The following LCT variants were observed in gnomAD, a reference collection of about 807,000 sequenced individuals.
The protein encoded by LCT is lactase.
In LCT, 90 loss-of-function variants were observed where a neutral mutation model predicts 173.0. That is an observed-to-expected ratio of 0.52 (90% CI 0.44 to 0.62). The LOEUF (loss-of-function observed/expected upper bound fraction) is 0.62, where lower values mean the gene tolerates loss of function less well. LCT is among the 20% of genes least tolerant of loss of function. The pLI is 0.00. For missense variants in LCT, 1,864 were observed against 2,431.4 expected (o/e 0.77, Z 4.91); for synonymous variants, 853 against 957.6 (o/e 0.89, Z 2.02).
At position 135,809,991 on chromosome 2, in the gene LCT, T is replaced by C. The variant is rs2077721449; in HGVS notation, c.2356A>G (p.Ile786Val). ...NQYINEVLKA[I>V]KEDSVDVRSY... ...CGAACATCCACAGAGTCTTCCTTGA[T>C]AGCTGTGAAGAAAAATAAAAATTAG... Residue 786 changes from isoleucine (I) to valine (V), a missense_variant and splice_region_variant, in exon 8 of 17, where the codon ATC becomes GTC. Coordinates refer to ENST00000264162, the MANE Select transcript of LCT (RefSeq NM_002299.4). The surrounding 1 kb of genome is among the most constrained non-coding windows in gnomAD (Gnocchi z 5.5). 2 of 1,592,396 alleles carry C rather than the reference T, an allele frequency of 1.3e-6. No individual in the cohort carries two copies. Among genetic ancestry groups the C allele is most frequent in the Non-Finnish European group, 1.7e-6 (2 of 1,160,770 alleles).
In LCT at chr2:135,808,468, T is replaced by A. The variant is rs2077695718; in HGVS notation, c.3879A>T (p.Lys1293Asn). ...CTTTCAAAGCCTCATTGATGTAGGT[T>A]TTGTGGTAAAATATCCTATCAGTAT... ...TEDTDRIFYH[K>N]TYINEALKAY... The change falls in exon 8 of 17, where the codon AAA becomes AAT. Residue 1293 changes from lysine (K) to asparagine (N), a missense_variant. By Grantham distance (94) the Lys-to-Asn change is moderately conservative (BLOSUM62 0). Around this residue, in one of 4 missense-constraint regions of LCT, gnomAD observed 755 missense variants for 926.3 expected, o/e 0.82. Transcript: ENST00000264162. 1 of 1,613,846 alleles carries A rather than the reference T, an allele frequency of 6.2e-7. No homozygotes were observed. Among genetic ancestry groups the A allele is most frequent in the Non-Finnish European group, 8.5e-7 (1 of 1,179,872 alleles).
intron 3 of LCT, among the ~76,000 whole-genome samples, chr2:135,826,731 C>A (rs1162034159): frequency 6.6e-6 from 1 of 152,146 alleles, no homozygotes; most frequent in African/African-American, 2.4e-5. Flanking sequence ...TAGCAACAAG[C>A]TCTGGTTTAA....
Position 135,789,912 on chromosome 2 carries a change from G to A in LCT, c.5336-114C>T, listed in dbSNP as rs111814540. On this transcript the variant is annotated intron_variant, in intron 15 of 16. Transcript: ENST00000264162. The stretch of plus-strand genomic sequence containing the variant: ...TCTCCCCACCGCCTTCACAGATGGC[G>A]GTAAGCTTTGGCTTTAGCTCTGTGA... 40 of 832,688 alleles carry A rather than the reference G, an allele frequency of 4.8e-5. No homozygotes were observed. The Middle Eastern group carries it at 1.3e-3, about 28-fold the overall frequency. 51.6% of individuals were successfully genotyped at this position (832,688 alleles called of 1,614,324 possible).
At chr2:135,804,222 T>A in intron 10 of LCT, 94 bp from the exon 11 acceptor site, 1 of 973,554 alleles carries the variant, frequency 1.0e-6, no homozygotes, top group Non-Finnish European at 1.6e-6. Flanking sequence ...CTGCAAATCC[T>A]GAGAGTGACT....
rs771059395 is a variant in LCT, at chr2:135,808,575, T to A, written c.3772A>T (p.Asn1258Tyr). The change falls in exon 8 of 17, where the codon AAC becomes TAC. Residue 1258 changes from asparagine to tyrosine, a missense_variant. Asn to Tyr is a moderately radical substitution (Grantham distance 143, BLOSUM62 -2). Around this residue, in one of 4 missense-constraint regions of LCT, gnomAD observed 755 missense variants for 926.3 expected, o/e 0.82. Coordinates refer to ENST00000264162, the MANE Select transcript of LCT (RefSeq NM_002299.4). ...TCACCATACTCTTCCTTGATCCAGT[T>A]CAGCAGCCTTCGCGTCCCCCAGGGC... ...AAPWGTRRLL[N>Y]WIKEEYGDIP... The A allele has an allele frequency of 6.2e-7, 1 of 1,614,222 alleles. No homozygotes were observed. The highest frequency in any genetic ancestry group is 8.5e-7 in the Non-Finnish European group (1 of 1,180,040).
intron 6 of LCT, among the ~76,000 whole-genome samples, chr2:135,814,072 A>T (rs974915149): frequency 6.6e-6 from 1 of 152,246 alleles, no homozygotes; most frequent in Non-Finnish European, 1.5e-5. Flanking sequence ...AAATACGTGT[A>T]TATAAAGCAT....
chr2:135,829,091 T>C (rs1275995534), intron 3 of LCT, among the ~76,000 whole-genome samples: 1 of 151,958 alleles, frequency 6.6e-6, no homozygotes, highest in Non-Finnish European at 1.5e-5. Flanking sequence ...CTGGAGAGGC[T>C]GAGGCAGGAG....
intron 5 of LCT, chr2:135,821,593 A>C (rs2077831193): frequency 4.9e-6 from 1 of 204,028 alleles, no homozygotes; most frequent in African/African-American, 2.4e-5. Flanking sequence ...CGATCCTCTG[A>C]CCTCAGTCTC....
intron 3 of LCT, among the ~76,000 whole-genome samples, chr2:135,827,074 G>T (rs1288676772): frequency 6.6e-6 from 1 of 152,122 alleles, no homozygotes; most frequent in Non-Finnish European, 1.5e-5. Context: ...CACCTCCCGG[G>T]TTCAAGCGAT....
chr2:135,830,563 T>A (rs536617149), intron 2 of LCT, among the ~76,000 whole-genome samples: 16 of 152,358 alleles, frequency 1.1e-4, no homozygotes, highest in African/African-American at 3.6e-4. Flanking sequence ...ATTATGGGAA[T>A]GCTAAGCCTG....
intron 1 of LCT, among the ~76,000 whole-genome samples, chr2:135,834,210 G>C (rs1331906943): frequency 2.6e-5 from 4 of 151,980 alleles, no homozygotes; most frequent in Non-Finnish European, 5.9e-5. Flanking sequence ...TTTTGAGACA[G>C]AGTCTCGCTC....
intron 7 of LCT, among the ~76,000 whole-genome samples, chr2:135,811,458 T>A (rs2077733776): frequency 6.6e-6 from 1 of 152,012 alleles, no homozygotes; most frequent in African/African-American, 2.4e-5. Context: ...AAAAGACATA[T>A]GAAATAGTAT....
rs952943158 is a variant in LCT at position 135,809,980 on chromosome 2, G to A, written c.2367C>T (p.Asp789=). The change falls in exon 8 of 17, where the codon GAC becomes GAT. Residue 789 remains aspartate, a synonymous_variant. Transcript: ENST00000264162. The surrounding 1 kb of genome is among the most constrained non-coding windows in gnomAD (Gnocchi z 5.5). ...CAATGTAGGAACGAACATCCACAGA[G>A]TCTTCCTTGATAGCTGTGAAGAAAA... ...INEVLKAIKE[D]SVDVRSYIAR... The A allele has an allele frequency of 6.2e-7, 1 of 1,607,244 alleles. No homozygotes were observed. Among genetic ancestry groups the A allele is most frequent in the Non-Finnish European group, 8.5e-7 (1 of 1,173,862 alleles).
At chr2:135,830,066 TG>T (rs1455110452) in intron 2 of LCT, among the ~76,000 whole-genome samples, 4 of 152,132 alleles carry the variant, frequency 2.6e-5, no homozygotes, top group Non-Finnish European at 1.5e-5. Context: ...TTGGCCAGGA[TG>T]GGGGTGGTGG....
intron 7 of LCT, among the ~76,000 whole-genome samples, chr2:135,811,210 AAAATAAAT>A (rs1323695982): frequency 2.6e-5 from 4 of 152,144 alleles, no homozygotes; most frequent in African/African-American, 9.6e-5. Flanking sequence ...AATTAAAATT[AAAATAAAT>A]AAATAAATAA....
intron 7 of LCT, among the ~76,000 whole-genome samples, chr2:135,811,926 A>C (rs1395910574): frequency 2.6e-5 from 4 of 151,898 alleles, no homozygotes; most frequent in Non-Finnish European, 5.9e-5. Flanking sequence ...TAAAAAAAAA[A>C]AAAATAAGCC....
At chr2:135,802,581 G>T (rs972716060) in intron 11 of LCT, among the ~76,000 whole-genome samples, 1 of 152,198 alleles carries the variant, frequency 6.6e-6, no homozygotes, top group African/African-American at 2.4e-5. Context: ...GGAACTGGAG[G>T]TCATTATGTA....
At position 135,809,123 on chromosome 2, in the gene LCT, C is replaced by A; in HGVS notation, c.3224G>T (p.Gly1075Val). 6.2e-7 allele frequency: 1 copy of A among 1,614,178 alleles called. No homozygotes were observed. Among genetic ancestry groups the A allele is most frequent in the Non-Finnish European group, 8.5e-7 (1 of 1,180,040 alleles). ...CACCCCTGGGGGAAATTCCCCTGAG[C>A]CATAACCTAGCCATGCCAGGTACAT... ...EPMYLAWLGY[G>V]SGEFPPGVKD... The change falls in exon 8 of 17, where the codon GGC (glycine) becomes GTC (valine). Residue 1075 changes from glycine (G) to valine (V), a missense_variant. Physicochemically the swap from Gly to Val is moderately radical, Grantham distance 109. Coordinates refer to ENST00000264162, the MANE Select transcript of LCT (RefSeq NM_002299.4). The surrounding 1 kb of genome is among the most constrained non-coding windows in gnomAD (Gnocchi z 5.5).
intron 13 of LCT, among the ~76,000 whole-genome samples, chr2:135,796,887 T>C (rs1345291755): frequency 2.0e-5 from 3 of 151,906 alleles, no homozygotes; most frequent in Non-Finnish European, 4.4e-5. Flanking sequence ...CACAGCCTGC[T>C]CTGGGGAACT....
Sources: gnomAD v4.1 joint callset for allele counts (sites outside exome capture counted in the v4.1 genomes callset) on GRCh38, gnomAD v4.1.1 for gene constraint, gnomAD v4.1.1 regional missense constraint, Gnocchi (gnomAD v3.1) non-coding constraint, MANE v1.5 for transcripts, NCBI Gene and HGNC (gene_info 2026-07-23, HGNC 2026-07-21) for gene names.